Variants in USO1 observed in about 807,000 individuals in gnomAD.
USO1 encodes the protein USO1 vesicle transport factor.
In USO1, 57 loss-of-function variants were observed where a neutral mutation model predicts 124.5. The ratio of observed to expected loss-of-function variants is 0.46; its 90% CI spans 0.37 to 0.57. The LOEUF is 0.57. Among genes scored for constraint, USO1 ranks in the 20% least tolerant of loss-of-function variants. USO1 has a pLI of 0.00. For missense variants in USO1, 900 were observed against 1,040.6 expected, an observed-to-expected ratio of 0.86 and a Z score of 1.86; for synonymous variants, 369 against 362.8, an observed-to-expected ratio of 1.02 and a Z score of -0.19.
chr4:75,812,022 T>G, intron 22 of USO1, 138 bp from the exon 23 acceptor site: 1 of 1,294,306 alleles, frequency 7.7e-7, no homozygotes, highest in Non-Finnish European at 1.1e-6. Context: ...TTAAACCTCC[T>G]GTACCCTTAA....
chr4:75,750,878 G>C (rs1346644278), intron 1 of USO1, among the ~76,000 whole-genome samples: 1 of 152,172 alleles, frequency 6.6e-6, no homozygotes, highest in Admixed American at 6.5e-5. Context: ...AAGTTTTACA[G>C]TTTTAGGTTT....
intron 13 of USO1, among the ~76,000 whole-genome samples, chr4:75,799,014 G>C (rs1234448666): frequency 6.6e-6 from 1 of 151,996 alleles, no homozygotes; most frequent in Non-Finnish European, 1.5e-5. Flanking sequence ...TGGTTTGGGG[G>C]CACTTGGCTA....
chr4:75,760,592 A>G (rs1189383669), intron 4 of USO1: 1 of 397,832 alleles, frequency 2.5e-6, no homozygotes, highest in Non-Finnish European at 4.4e-6. Flanking sequence ...CTACCTTTTC[A>G]GATGATGTTG....
chr4:75,727,414 A>G (rs1012443097), intron 1 of USO1, among the ~76,000 whole-genome samples: 3 of 152,180 alleles, frequency 2.0e-5, no homozygotes, highest in African/African-American at 7.2e-5. Context: ...TTGGAAAAGT[A>G]ATTTGTCTTC....
chr4:75,759,666 C>T (rs536895373), intron 4 of USO1, among the ~76,000 whole-genome samples: 3 of 148,562 alleles, frequency 2.0e-5, no homozygotes, highest in South Asian at 2.2e-4. Flanking sequence ...CCCAGTACTT[C>T]GGGACACCGA....
At chr4:75,793,622 AATTT>A in intron 12 of USO1, 64 bp from the exon 13 acceptor site, 1 of 1,537,224 alleles carries the variant, frequency 6.5e-7, no homozygotes, top group Non-Finnish European at 8.8e-7. Context: ...TACAGAAAAC[AATTT>A]ATTTAAAATT....
rs71208100 is a variant in USO1, at chr4:75,759,246, C to CTTTTTTTTTTTT, written c.295+1680_295+1691dup. Among the ~76,000 whole-genome samples, 184 of 69,110 alleles carry CTTTTTTTTTTTT rather than the reference C, an allele frequency of 2.7e-3. 32 individuals are homozygous for CTTTTTTTTTTTT. The highest frequency in any genetic ancestry group is 8.8e-3 in the East Asian group (20 of 2,276). The allele number at this position is 69,110 out of a possible 152,430, so 45.3% of individuals were successfully genotyped here. A position where few individuals can be genotyped will look rare whatever the true frequency, so the allele number is the denominator to read the frequency against. The stretch of plus-strand genomic sequence containing the variant: ...TAATAGAATCACTTTTATTAAGGAC[C>CTTTTTTTTTTTT]TTTTTTTTTTTTTTTTTTCTGAAAA... On this transcript the variant is annotated intron_variant, in intron 4 of 23. Transcript: ENST00000514213.
At chr4:75,805,105 C>T (rs1722954943) in intron 18 of USO1, 35 bp from the exon 19 acceptor site, 3 of 1,509,358 alleles carry the variant, frequency 2.0e-6, no homozygotes, top group East Asian at 2.4e-5. Flanking sequence ...CTGAAGTTTC[C>T]CGTTGGCTTT....
intron 8 of USO1, 150 bp from the exon 9 acceptor site, chr4:75,782,530 T>C: frequency 9.7e-7 from 1 of 1,034,964 alleles, no homozygotes; most frequent in Non-Finnish European, 1.3e-6. Context: ...GGTTATGGCC[T>C]GTGGCCATCA....
At chr4:75,803,753 A>T (rs920877882) in intron 17 of USO1, among the ~76,000 whole-genome samples, 1 of 151,940 alleles carries the variant, frequency 6.6e-6, no homozygotes, top group Non-Finnish European at 1.5e-5. Context: ...TTATTTTCTC[A>T]TTGGCTTTTA....
At chr4:75,755,444 G>T (rs767179003) in intron 3 of USO1, 11 of 519,748 alleles carry the variant, frequency 2.1e-5, no homozygotes, top group Non-Finnish European at 4.2e-5. Flanking sequence ...CATTTCACCA[G>T]TTCAGTGAAG....
chr4:75,753,939 C>G (rs1216166500), intron 3 of USO1, among the ~76,000 whole-genome samples: 2 of 151,736 alleles, frequency 1.3e-5, no homozygotes, highest in African/African-American at 2.4e-5. Flanking sequence ...AGGTGCCCAC[C>G]ACCACACCTG....
chr4:75,809,962 CAAGGA>C (rs1217853564), intron 21 of USO1, among the ~76,000 whole-genome samples: 4 of 152,120 alleles, frequency 2.6e-5, no homozygotes. Flanking sequence ...AGAAAAAAGA[CAAGGA>C]AAGACTGAAA....
chr4:75,802,811 G>A lies in USO1; in HGVS notation c.1987-1323G>A, dbSNP rs549334860. 1.6e-4 allele frequency among the ~76,000 whole-genome samples: 22 copies of A among 136,840 alleles called. No individual in the cohort carries two copies. The East Asian group carries it at 2.1e-3, about 13-fold the overall frequency. 89.8% of individuals were successfully genotyped at this position (136,840 alleles called of 152,430 possible). A position where few individuals can be genotyped will look rare whatever the true frequency, so the allele number is the denominator to read the frequency against. On this transcript the variant is annotated intron_variant, in intron 17 of 23. Transcript: ENST00000514213. The stretch of plus-strand genomic sequence containing the variant: ...AGGCTGGAGTGCAGTGGCTGAGCAC[G>A]GTGCCTCATGCCTGTAATCCCAGCA...
intron 8 of USO1, among the ~76,000 whole-genome samples, chr4:75,781,762 A>T (rs1039677120): frequency 2.4e-4 from 9 of 38,052 alleles, no homozygotes; most frequent in South Asian, 2.0e-3. Context: ...TGTCTTTTTA[A>T]AAAAAAAATA....
rs1463429532 is a variant in USO1 at position 75,745,394 on chromosome 4, A to G, written c.67-6979A>G. ...AGCTATTCACAGGGACTGTATTACT[A>G]TGTTCCTTTGTTACTAAAAAAAAAT... On this transcript the variant is annotated intron_variant, in intron 1 of 23. Coordinates refer to ENST00000514213, the MANE Select transcript of USO1 (RefSeq NM_003715.4). 5 of 512,838 alleles carry G rather than the reference A, an allele frequency of 9.7e-6. No homozygotes were observed. In the East Asian group the frequency reaches 2.2e-4, roughly 23 times the overall value. 31.8% of individuals were successfully genotyped at this position (512,838 alleles called of 1,614,324 possible). A position where few individuals can be genotyped will look rare whatever the true frequency, so the allele number is the denominator to read the frequency against.
At chr4:75,740,315 TCTCA>T (rs895227812) in intron 1 of USO1, among the ~76,000 whole-genome samples, 9 of 152,172 alleles carry the variant, frequency 5.9e-5, no homozygotes, top group African/African-American at 1.9e-4. Flanking sequence ...AGAGATGGAG[TCTCA>T]CTCTGTTACC....
chr4:75,757,547 T>C lies in USO1; in HGVS notation c.269T>C (p.Ile90Thr), dbSNP rs751748274. The C allele has an allele frequency of 2.0e-6, 3 of 1,493,138 alleles. No homozygotes were observed. Among genetic ancestry groups the C allele is most frequent in the Non-Finnish European group, 2.7e-6 (3 of 1,120,982 alleles). The allele number at this position is 1,493,138 out of a possible 1,614,324, so 92.5% of individuals were successfully genotyped here. ...GYALDTLYNI[I>T]SNEEEEEVEE... is the part of the protein sequence containing the mutation. ...GCTTTGGACACACTATATAATATAA[T>C]ATCTAATGAAGAAGAAGAAGAAGTA... is the stretch of plus-strand genomic sequence containing the variant. The change falls in exon 4 of 24, where the codon ATA becomes ACA. Residue 90 changes from isoleucine (I) to threonine (T), a missense_variant. Ile to Thr is a moderately conservative substitution (Grantham distance 89, BLOSUM62 -1). Transcript: ENST00000514213.
intron 1 of USO1, among the ~76,000 whole-genome samples, chr4:75,744,246 A>T (rs1356062400): frequency 6.6e-6 from 1 of 152,182 alleles, no homozygotes; most frequent in Non-Finnish European, 1.5e-5. Flanking sequence ...GTATTTGTTG[A>T]ACAAATGAAT....
Sources: gnomAD v4.1 joint callset for allele counts (sites outside exome capture counted in the v4.1 genomes callset) on GRCh38, gnomAD v4.1.1 for gene constraint, MANE v1.5 for transcripts, NCBI Gene and HGNC (gene_info 2026-07-23, HGNC 2026-07-21) for gene names.